KCND2: variants seen among roughly 807,000 people sequenced by gnomAD.
The protein encoded by KCND2 is A-type voltage-gated potassium channel KCND2.
A neutral mutation model predicts 54.4 loss-of-function variants in KCND2; 16 were observed. The observed-to-expected ratio is 0.29, with a 90% CI of 0.20 to 0.45. KCND2 has a LOEUF of 0.45. Among genes scored for constraint, KCND2 ranks in the 20% least tolerant of loss-of-function variants. KCND2 has a pLI of 1.00. For missense variants in KCND2, 486 were observed against 824.2 expected, an observed-to-expected ratio of 0.59 and a Z score of 5.02; for synonymous variants, 317 against 310.7, an observed-to-expected ratio of 1.02 and a Z score of -0.21.
chr7:120,364,569 G>A (rs1158749332), intron 1 of KCND2, among the ~76,000 whole-genome samples: 3 of 152,100 alleles, frequency 2.0e-5, no homozygotes, highest in Admixed American at 6.6e-5. Flanking sequence ...TTGCAATGGG[G>A]GAGAGAAATT....
At chr7:120,456,068 C>T (rs557660395) in intron 1 of KCND2, among the ~76,000 whole-genome samples, 6 of 152,118 alleles carry the variant, frequency 3.9e-5, no homozygotes, top group Non-Finnish European at 5.9e-5. Context: ...GAAGTTACAG[C>T]ATGCAAAGCC....
In KCND2 at chr7:120,274,968, C is replaced by A. The variant is rs774763376; in HGVS notation, c.336C>A (p.Ile112=). Residue 112 remains isoleucine (I), a synonymous_variant, in exon 1 of 6, where the codon ATC becomes ATA. Coordinates refer to ENST00000331113, the MANE Select transcript of KCND2 (RefSeq NM_012281.3). ...TCCACTATCCTCGCCACGAGTGCAT[C>A]TCTGCTTACGATGAAGAACTGGCCT... ...GKLHYPRHEC[I]SAYDEELAFF... is the part of the protein sequence containing the mutation. The A allele has an allele frequency of 2.5e-6, 4 of 1,614,128 alleles. No homozygotes were observed. In the Admixed American group the frequency reaches 6.7e-5, roughly 27 times the overall value.
At chr7:120,611,509 G>T (rs559642781) in intron 1 of KCND2, among the ~76,000 whole-genome samples, 55 of 152,076 alleles carry the variant, frequency 3.6e-4, no homozygotes, top group Non-Finnish European at 4.9e-4. Flanking sequence ...ATTTTTATTT[G>T]CTTAGAGTAG....
chr7:120,738,709 A>C (rs1792904119), intron 2 of KCND2, among the ~76,000 whole-genome samples: 1 of 152,156 alleles, frequency 6.6e-6, no homozygotes, highest in Non-Finnish European at 1.5e-5. Flanking sequence ...AAAGGAATAC[A>C]TTTCTTTTTA....
intron 1 of KCND2, among the ~76,000 whole-genome samples, chr7:120,316,620 A>C (rs1799815930): frequency 6.6e-6 from 1 of 152,038 alleles, no homozygotes; most frequent in Admixed American, 6.6e-5. Flanking sequence ...TTAGGTTTGC[A>C]TTTTTATTAG....
chr7:120,394,178 A>G (rs890124295), intron 1 of KCND2, among the ~76,000 whole-genome samples: 1 of 152,012 alleles, frequency 6.6e-6, no homozygotes, highest in Non-Finnish European at 1.5e-5. Context: ...CACATAGAAG[A>G]TGGAGTTATT....
intron 1 of KCND2, among the ~76,000 whole-genome samples, chr7:120,552,593 G>A (rs1200324673): frequency 6.6e-6 from 1 of 152,216 alleles, no homozygotes; most frequent in East Asian, 1.9e-4. Flanking sequence ...TGAGCTAAGA[G>A]CAGTAACCTG....
At chr7:120,572,870 T>C (rs1050505052) in intron 1 of KCND2, among the ~76,000 whole-genome samples, 1 of 152,186 alleles carries the variant, frequency 6.6e-6, no homozygotes, top group Non-Finnish European at 1.5e-5. Flanking sequence ...TAGTTTGAAA[T>C]GGAATCTAAG....
At chr7:120,367,373 A>G (rs1012265117) in intron 1 of KCND2, among the ~76,000 whole-genome samples, 1 of 152,084 alleles carries the variant, frequency 6.6e-6, no homozygotes, top group Non-Finnish European at 1.5e-5. Context: ...TTAAAAAAAG[A>G]CAAAAAGGGT....
chr7:120,502,688 G>A (rs2116319093), intron 1 of KCND2, among the ~76,000 whole-genome samples: 1 of 152,142 alleles, frequency 6.6e-6, no homozygotes, highest in African/African-American at 2.4e-5. Flanking sequence ...CGGCTACTCT[G>A]CTAAACTCCA....
intron 1 of KCND2, among the ~76,000 whole-genome samples, chr7:120,495,018 TA>T (rs1210151927): frequency 6.6e-6 from 1 of 152,182 alleles, no homozygotes; most frequent in East Asian, 1.9e-4. Context: ...TTGCCACAAG[TA>T]GTTATTTAAA....
chr7:120,596,556 G>A (rs756746092), intron 1 of KCND2, among the ~76,000 whole-genome samples: 2 of 152,268 alleles, frequency 1.3e-5, no homozygotes, highest in Middle Eastern at 3.4e-3. Context: ...AATTGTATAT[G>A]CCAAAGACAG....
intron 1 of KCND2, among the ~76,000 whole-genome samples, chr7:120,373,900 A>C (rs1584752153): frequency 6.6e-6 from 1 of 151,958 alleles, no homozygotes; most frequent in African/African-American, 2.4e-5. Flanking sequence ...TTTTTAAAAA[A>C]GATTTGAAAT....
intron 1 of KCND2, among the ~76,000 whole-genome samples, chr7:120,702,670 C>T (rs542791348): frequency 4.7e-4 from 72 of 152,204 alleles, no homozygotes; most frequent in Middle Eastern, 6.8e-3. Flanking sequence ...GGTCATTATC[C>T]TTAGCAAACT....
At chr7:120,594,942 C>A (rs1056879284) in intron 1 of KCND2, among the ~76,000 whole-genome samples, 9 of 151,692 alleles carry the variant, frequency 5.9e-5, no homozygotes, top group African/African-American at 2.2e-4. Context: ...ATCGCTTAAA[C>A]CCGGGAGGCG....
intron 1 of KCND2, among the ~76,000 whole-genome samples, chr7:120,417,705 A>G (rs2116124881): frequency 6.6e-6 from 1 of 152,330 alleles, no homozygotes; most frequent in Admixed American, 6.5e-5. Flanking sequence ...TGAAACATTC[A>G]AATTTCTCAC....
At chr7:120,691,545 T>TG (rs1792268929) in intron 1 of KCND2, among the ~76,000 whole-genome samples, 2 of 152,052 alleles carry the variant, frequency 1.3e-5, no homozygotes, top group Non-Finnish European at 2.9e-5. Flanking sequence ...TCAAGTAAAC[T>TG]GGGGGAGACA....
chr7:120,698,234 C>T (rs923175375), intron 1 of KCND2, among the ~76,000 whole-genome samples: 65 of 152,042 alleles, frequency 4.3e-4, no homozygotes, highest in African/African-American at 1.4e-3. Context: ...AGGCTGGTCT[C>T]GAACTCAACC....
chr7:120,508,807 A>G (rs1803067834), intron 1 of KCND2, among the ~76,000 whole-genome samples: 1 of 151,658 alleles, frequency 6.6e-6, no homozygotes, highest in Admixed American at 6.6e-5. Flanking sequence ...TGTGGCATCT[A>G]CCGATGCTGT....
Sources: gnomAD v4.1 joint callset for allele counts (sites outside exome capture counted in the v4.1 genomes callset) on GRCh38, gnomAD v4.1.1 for gene constraint, MANE v1.5 for transcripts, NCBI Gene and HGNC (gene_info 2026-07-23, HGNC 2026-07-21) for gene names.